PARM1: variants seen among roughly 807,000 people sequenced by gnomAD.
The protein encoded by PARM1 is prostate androgen-regulated mucin-like protein 1, also known as WSC4, cell wall integrity and stress response component 4 homolog.
A neutral mutation model predicts 24.6 loss-of-function variants in PARM1; 14 were observed. The observed-to-expected ratio is 0.57, with a 90% confidence interval of 0.38 to 0.89. The LOEUF is 0.89. Ranked by LOEUF, PARM1 falls within the 40% of genes least tolerant of loss-of-function variation. PARM1 has a pLI of 0.00. For synonymous variants in PARM1, 179 were observed against 156.6 expected, an observed-to-expected ratio of 1.14 and a Z score of -1.07; for missense variants, 362 against 380.4, an observed-to-expected ratio of 0.95 and a Z score of 0.40.
chr4:74,972,075 G>C (rs1362771110), intron 1 of PARM1, among the ~76,000 whole-genome samples: 2 of 152,192 alleles, frequency 1.3e-5, no homozygotes, highest in Non-Finnish European at 2.9e-5. Flanking sequence ...TTGACAACAT[G>C]CACGCCCTGT....
In PARM1 at chr4:74,994,799, T is replaced by TATAAATAAATAAATAA. The variant is rs3062355; in HGVS notation, c.44-17603_44-17588dup. On this transcript the variant is annotated intron_variant, in intron 1 of 3. Coordinates refer to ENST00000307428, the MANE Select transcript of PARM1 (RefSeq NM_015393.4). ...CAGAGCAAGACTCTGTCTCAAAAAATATAAATAAATAAATAAATAAATAAA... is the reference window on the plus strand; with the variant it reads ...CAGAGCAAGACTCTGTCTCAAAAAATATAAATAAATAAATAAATAAATAAATAAATAAATAAATAAA... 3.4e-3 allele frequency among the ~76,000 whole-genome samples: 493 copies of TATAAATAAATAAATAA among 145,152 alleles called. 3 individuals carry two copies. The highest frequency in any genetic ancestry group is 6.7e-3 in the African/African-American group (267 of 39,664).
rs115301806 is a variant in PARM1 at position 75,011,018 on chromosome 4, A to G, written c.44-1407A>G. 4.9e-3 allele frequency among the ~76,000 whole-genome samples: 741 copies of G among 152,252 alleles called. 5 individuals carry two copies. The highest frequency in any genetic ancestry group is 8.3e-3 in the Non-Finnish European group (562 of 68,020). On this transcript the variant is annotated intron_variant, in intron 1 of 3. Coordinates refer to ENST00000307428, the MANE Select transcript of PARM1 (RefSeq NM_015393.4). ...GGGGAAGTGGGAGCAGGCACATCTC[A>G]TGGTGAGAATGGGAGCAAGAGAGTG...
intron 1 of PARM1, among the ~76,000 whole-genome samples, chr4:74,990,934 G>A (rs563324050): frequency 6.6e-6 from 1 of 152,270 alleles, no homozygotes; most frequent in African/African-American, 2.4e-5. Context: ...GGAGCTAGAT[G>A]TGAAGAAGAC....
rs1379516140 is a variant in PARM1 at position 75,033,936 on chromosome 4, G to A, written c.823G>A (p.Gly275Arg). Residue 275 changes from glycine (G) to arginine (R), a missense_variant, in exon 3 of 4, where the codon GGA becomes AGA. By Grantham distance (125) the Gly-to-Arg change is moderately radical (BLOSUM62 -2). Coordinates refer to ENST00000307428, the MANE Select transcript of PARM1 (RefSeq NM_015393.4). ...TVIAVVLLVF[G>R]VAAYLKIRHS... ...CATTGCCGTGGTGCTGCTGGTGTTT[G>A]GAGTTGCAGCCTACCTAAAAATCAG... is the stretch of plus-strand genomic sequence containing the variant. The A allele has an allele frequency of 6.2e-7, 1 of 1,603,248 alleles. No homozygotes were observed. The highest frequency in any genetic ancestry group is 8.5e-7 in the Non-Finnish European group (1 of 1,174,832).
chr4:75,018,654 G>T (rs1723031730), intron 2 of PARM1, among the ~76,000 whole-genome samples: 2 of 152,186 alleles, frequency 1.3e-5, no homozygotes, highest in African/African-American at 4.8e-5. Flanking sequence ...TGAGGTTCAT[G>T]GTCGTATGAG....
intron 1 of PARM1, among the ~76,000 whole-genome samples, chr4:74,985,642 C>G (rs991370560): frequency 6.6e-6 from 1 of 152,222 alleles, no homozygotes; most frequent in Non-Finnish European, 1.5e-5. Context: ...TAACCCTACT[C>G]TGTCTGAATG....
intron 1 of PARM1, among the ~76,000 whole-genome samples, chr4:74,973,687 T>A (rs1722086186): frequency 6.6e-6 from 1 of 152,136 alleles, no homozygotes; most frequent in South Asian, 2.1e-4. Context: ...CCATTTTTTT[T>A]AGGTAGATAA....
intron 1 of PARM1, among the ~76,000 whole-genome samples, chr4:74,995,242 A>G (rs2109782589): frequency 6.6e-6 from 1 of 152,290 alleles, no homozygotes; most frequent in Non-Finnish European, 1.5e-5. Context: ...AGATCCATCT[A>G]GAAGTCATGT....
chr4:74,950,576 T>A (rs1721502940), intron 1 of PARM1, among the ~76,000 whole-genome samples: 1 of 152,222 alleles, frequency 6.6e-6, no homozygotes, highest in Non-Finnish European at 1.5e-5. Flanking sequence ...GAGGTTGTGG[T>A]TCAGCTTATC....
chr4:75,001,819 T>A (rs1301345731), intron 1 of PARM1, among the ~76,000 whole-genome samples: 1 of 152,134 alleles, frequency 6.6e-6, no homozygotes, highest in Non-Finnish European at 1.5e-5. Flanking sequence ...AAACACCCTC[T>A]AAGTTTGAGC....
chr4:75,034,070 A>T (rs762255527), intron 3 of PARM1, 109 bp downstream of exon 3: 27 of 849,088 alleles, frequency 3.2e-5, no homozygotes, highest in Non-Finnish European at 5.0e-5. Context: ...AGCCCTTAGA[A>T]ATATTGGCAG....
intron 1 of PARM1, among the ~76,000 whole-genome samples, chr4:74,952,394 T>C (rs936699646): frequency 6.6e-6 from 1 of 152,256 alleles, no homozygotes; most frequent in African/African-American, 2.4e-5. Context: ...AGGTTGCCTG[T>C]TCACTCTGAT....
At position 75,049,150 on chromosome 4, in the gene PARM1, G is replaced by A. The variant is rs1016482251; in HGVS notation, c.*2903G>A. Reference sequence around the variant, plus strand: ...CGCCTCTTCTCGGCCATCGACTGCAGATGATGAAAGAGCGGGATTCAACTT... The same window carrying A: ...CGCCTCTTCTCGGCCATCGACTGCAAATGATGAAAGAGCGGGATTCAACTT... On this transcript the variant is annotated 3_prime_UTR_variant, in exon 4 of 4. Coordinates refer to ENST00000307428, the MANE Select transcript of PARM1 (RefSeq NM_015393.4). 10 of 152,332 alleles carry A rather than the reference G, an allele frequency of 6.6e-5. No individual in the cohort carries two copies. The highest frequency in any genetic ancestry group is 2.4e-4 in the African/African-American group (10 of 41,570). The allele number at this position is 152,332 out of a possible 1,614,324, so 9.4% of individuals were successfully genotyped here. A position where few individuals can be genotyped will look rare whatever the true frequency, so the allele number is the denominator to read the frequency against.
chr4:74,953,744 T>G (rs1050149379), intron 1 of PARM1, among the ~76,000 whole-genome samples: 52 of 152,136 alleles, frequency 3.4e-4, no homozygotes, highest in African/African-American at 1.2e-3. Context: ...ATGAAAGAAC[T>G]GACAAGAAAC....
intron 1 of PARM1, chr4:74,967,171 A>G (rs1214065024): frequency 6.6e-6 from 1 of 152,210 alleles, no homozygotes; most frequent in African/African-American, 2.4e-5. Context: ...ATTAATTCAC[A>G]TTAACATATT....
intron 3 of PARM1, among the ~76,000 whole-genome samples, chr4:75,041,296 T>C (rs532394232): frequency 6.6e-6 from 1 of 152,358 alleles, no homozygotes; most frequent in Admixed American, 6.5e-5. Flanking sequence ...GTTTTGTTAA[T>C]GGACAACAAG....
chr4:75,013,190 C>G, intron 2 of PARM1, 40 bp downstream of exon 2: 1 of 1,563,304 alleles, frequency 6.4e-7, no homozygotes, highest in Non-Finnish European at 8.7e-7. Context: ...TTTACTACAC[C>G]CTCACATTAA....
intron 1 of PARM1, among the ~76,000 whole-genome samples, chr4:75,007,058 G>T (rs1029598026): frequency 6.6e-6 from 1 of 152,118 alleles, no homozygotes; most frequent in African/African-American, 2.4e-5. Flanking sequence ...TCAAAAAGTG[G>T]GCGAAGGATA....
intron 1 of PARM1, chr4:74,993,919 A>G (rs545562043): frequency 1.3e-5 from 2 of 152,192 alleles, no homozygotes; most frequent in South Asian, 4.1e-4. Flanking sequence ...CATCAATTAT[A>G]CCTCAAAAAA....
Sources: allele counts gnomAD v4.1 joint callset (sites outside exome capture counted in the v4.1 genomes callset), GRCh38; gene constraint gnomAD v4.1.1; transcripts MANE v1.5; gene names NCBI Gene and HGNC (gene_info 2026-07-23, HGNC 2026-07-21).